ZC3H14: variants seen among roughly 807,000 people sequenced by gnomAD.
ZC3H14 encodes zinc finger CCCH domain-containing protein 14.
In ZC3H14, 31 loss-of-function variants were observed where a neutral mutation model predicts 92.4. The observed-to-expected ratio is 0.34, with a 90% CI of 0.25 to 0.45. The LOEUF (loss-of-function observed/expected upper bound fraction) is 0.45, where lower values mean the gene tolerates loss of function less well. Among genes scored for constraint, ZC3H14 ranks in the 20% least tolerant of loss-of-function variants. The pLI is 1.00. For synonymous variants in ZC3H14, 321 were observed against 300.9 expected, an observed-to-expected ratio of 1.07 and a Z score of -0.69; for missense variants, 781 against 897.3, an observed-to-expected ratio of 0.87 and a Z score of 1.66.
chr14:88,576,542 A>T (rs1447160307), intron 8 of ZC3H14, among the ~76,000 whole-genome samples: 1 of 152,234 alleles, frequency 6.6e-6, no homozygotes, highest in African/African-American at 2.4e-5. Context: ...CGGAAAGCTG[A>T]TTCTGAAATG....
chr14:88,584,067 A>ACGC (rs1342657487), intron 9 of ZC3H14, among the ~76,000 whole-genome samples: 2 of 151,498 alleles, frequency 1.3e-5, no homozygotes, highest in Admixed American at 6.6e-5. Context: ...ACCCTCTGCA[A>ACGC]AAAAGATGTT....
At chr14:88,605,976 G>A (rs903657365) in intron 12 of ZC3H14, among the ~76,000 whole-genome samples, 3 of 152,192 alleles carry the variant, frequency 2.0e-5, no homozygotes, top group African/African-American at 7.2e-5. Context: ...CAACTAAGTG[G>A]CAGAGTCAGA....
At chr14:88,565,480 C>A (rs1435660711) in intron 2 of ZC3H14, among the ~76,000 whole-genome samples, 2 of 152,122 alleles carry the variant, frequency 1.3e-5, no homozygotes, top group African/African-American at 2.4e-5. Flanking sequence ...TTTTATACTG[C>A]ATAATGAAAT....
At chr14:88,593,881 C>G (rs1196860515) in intron 9 of ZC3H14, among the ~76,000 whole-genome samples, 1 of 106,758 alleles carries the variant, frequency 9.4e-6, no homozygotes, top group Non-Finnish European at 2.0e-5. Context: ...TTTTGTGTTT[C>G]AAAAGATACT....
At chr14:88,575,225 A>AC (rs1482585237) in intron 7 of ZC3H14, among the ~76,000 whole-genome samples, 2 of 152,172 alleles carry the variant, frequency 1.3e-5, no homozygotes, top group Non-Finnish European at 2.9e-5. Context: ...GGCATGAGCC[A>AC]CCGCACCTGA....
intron 6 of ZC3H14, 61 bp from the exon 7 acceptor site, chr14:88,574,632 T>C (rs1188141786): frequency 1.3e-6 from 2 of 1,593,314 alleles, no homozygotes; most frequent in African/African-American, 1.3e-5. Flanking sequence ...TGGAAACATT[T>C]TGTGGTAGAA....
At position 88,624,985 on chromosome 14, in the gene ZC3H14, C is replaced by T; in HGVS notation, c.*13234C>T. Reference sequence around the variant, plus strand: ...GAGGACTCACGGCCTTTCCTTTCCCCCAGTCACGATAAGTCCATCTCGCAG... The same window carrying T: ...GAGGACTCACGGCCTTTCCTTTCCCTCAGTCACGATAAGTCCATCTCGCAG... On this transcript the variant is annotated 3_prime_UTR_variant, in exon 17 of 17. Coordinates refer to ENST00000251038, the MANE Select transcript of ZC3H14 (RefSeq NM_024824.5). 1 of 1,613,414 alleles carries T rather than the reference C, an allele frequency of 6.2e-7. No individual in the cohort carries two copies. Among genetic ancestry groups the T allele is most frequent in the Non-Finnish European group, 8.5e-7 (1 of 1,179,608 alleles).
chr14:88,604,379 A>T (rs753165009), intron 12 of ZC3H14, among the ~76,000 whole-genome samples: 1 of 152,078 alleles, frequency 6.6e-6, no homozygotes, highest in Admixed American at 6.6e-5. Context: ...TAAGATTAGC[A>T]TAGGGGTGTG....
chr14:88,578,420 A>G (rs1042160146), intron 9 of ZC3H14, among the ~76,000 whole-genome samples: 1 of 152,146 alleles, frequency 6.6e-6, no homozygotes, highest in Non-Finnish European at 1.5e-5. Context: ...GGAGGTGTGT[A>G]CAAGTGTGTG....
intron 4 of ZC3H14, 104 bp downstream of exon 4, chr14:88,571,228 G>A (rs549961281): frequency 2.4e-5 from 25 of 1,024,604 alleles, no homozygotes; most frequent in African/African-American, 6.5e-5. Context: ...ATTTCAAAAC[G>A]GTTCATTTGA....
At chr14:88,569,822 T>G (rs2080161071) in intron 3 of ZC3H14, among the ~76,000 whole-genome samples, 1 of 152,182 alleles carries the variant, frequency 6.6e-6, no homozygotes, top group Non-Finnish European at 1.5e-5. Flanking sequence ...TTCTCTGGGT[T>G]TATACATTGC....
intron 9 of ZC3H14, among the ~76,000 whole-genome samples, chr14:88,579,730 A>G (rs1031381096): frequency 1.3e-5 from 2 of 152,246 alleles, no homozygotes; most frequent in Non-Finnish European, 2.9e-5. Context: ...TTCCCCTAAA[A>G]TGAACAACAG....
chr14:88,595,058 A>G (rs1211919147), intron 9 of ZC3H14: 1 of 1,613,448 alleles, frequency 6.2e-7, no homozygotes, highest in Non-Finnish European at 8.5e-7. Flanking sequence ...ACTGAATCAC[A>G]GTCAAGAACT....
chr14:88,602,170 C>T, intron 11 of ZC3H14, 87 bp downstream of exon 11: 1 of 1,576,010 alleles, frequency 6.3e-7, no homozygotes, highest in Non-Finnish European at 8.7e-7. Flanking sequence ...CTCCTCCCCG[C>T]CCTAACCGCT....
chr14:88,592,017 A>G (rs1251631692), intron 9 of ZC3H14: 8 of 152,242 alleles, frequency 5.3e-5, no homozygotes, highest in African/African-American at 1.9e-4. Flanking sequence ...GTTAAAATAC[A>G]TAAGCTTTCT....
At position 88,580,929 on chromosome 14, in the gene ZC3H14, G is replaced by C. The variant is rs567396947; in HGVS notation, c.1279+2789G>C. On this transcript the variant is annotated intron_variant, in intron 9 of 16. Transcript: ENST00000251038. ...GAAGAAAATGGACTAGCATATTTAA[G>C]ATACTCCAGAAAAGAAAATGTGAGC... 1.3e-3 allele frequency among the ~76,000 whole-genome samples: 199 copies of C among 152,278 alleles called. 1 individual carries two copies. The highest frequency in any genetic ancestry group is 2.1e-3 in the Non-Finnish European group (144 of 68,020).
chr14:88,574,748 A>G lies in ZC3H14; in HGVS notation c.917A>G (p.Lys306Arg). The G allele has an allele frequency of 1.9e-6, 3 of 1,614,200 alleles. No homozygotes were observed. Among genetic ancestry groups the G allele is most frequent in the Non-Finnish European group, 2.5e-6 (3 of 1,180,026 alleles). The change falls in exon 7 of 17, where the codon AAA becomes AGA. Residue 306 changes from lysine (K) to arginine (R), a missense_variant. By Grantham distance (26) the Lys-to-Arg change is conservative. Around this residue, in one of 3 missense-constraint regions of ZC3H14, gnomAD observed 454 missense variants for 438.5 expected, o/e 1.04. Coordinates refer to ENST00000251038, the MANE Select transcript of ZC3H14 (RefSeq NM_024824.5). The part of the protein sequence containing the change: ...LPVVSSVVKV[K>R]KFNHDGEEEE... Reference sequence around the variant, plus strand: ...GTGGTAAGTTCAGTTGTTAAAGTAAAAAAATTCAATCATGATGGAGAAGAG... The same window carrying G: ...GTGGTAAGTTCAGTTGTTAAAGTAAGAAAATTCAATCATGATGGAGAAGAG...
chr14:88,583,805 AT>A (rs989200764), intron 9 of ZC3H14, among the ~76,000 whole-genome samples: 16 of 152,316 alleles, frequency 1.1e-4, no homozygotes, highest in Admixed American at 9.1e-4. Context: ...GGAATTTTAC[AT>A]TTATTCAGTA....
intron 8 of ZC3H14, 133 bp from the exon 9 acceptor site, chr14:88,577,852 A>G: frequency 8.7e-7 from 1 of 1,152,548 alleles, no homozygotes; most frequent in South Asian, 1.3e-5. Context: ...TACAGGCATG[A>G]GCCACTGCGC....
Sources: gnomAD v4.1 joint callset for allele counts (sites outside exome capture counted in the v4.1 genomes callset) on GRCh38, gnomAD v4.1.1 for gene constraint, gnomAD v4.1.1 regional missense constraint, MANE v1.5 for transcripts, NCBI Gene and HGNC (gene_info 2026-07-23, HGNC 2026-07-21) for gene names.